GATM: variants seen among roughly 807,000 people sequenced by gnomAD.
The protein encoded by GATM is glycine amidinotransferase, also known as glycine amidinotransferase, mitochondrial.
In GATM, 23 loss-of-function variants were observed where a neutral mutation model predicts 54.2. That is an observed-to-expected ratio of 0.42 (90% CI 0.31 to 0.60). The LOEUF (loss-of-function observed/expected upper bound fraction) is 0.60, where lower values mean the gene tolerates loss of function less well. Among genes scored for constraint, GATM ranks in the 20% least tolerant of loss-of-function variants. The pLI is 0.14. For synonymous variants in GATM, 168 were observed against 183.1 expected (o/e 0.92, Z 0.67); for missense variants, 401 against 544.9 (o/e 0.74, Z 2.63).
intron 3 of GATM, among the ~76,000 whole-genome samples, chr15:45,387,586 T>C (rs1451489799): frequency 6.6e-6 from 1 of 152,242 alleles, no homozygotes; most frequent in Admixed American, 6.5e-5. Context: ...TACATATCTC[T>C]TTCGCCAGAC....
intron 4 of GATM, among the ~76,000 whole-genome samples, chr15:45,367,779 G>A (rs1889472961): frequency 6.6e-6 from 1 of 152,144 alleles, no homozygotes; most frequent in Non-Finnish European, 1.5e-5. Flanking sequence ...TGATACTACA[G>A]TATGATTAGG....
chr15:45,366,176 C>T lies in GATM; in HGVS notation c.848G>A (p.Arg283Lys), dbSNP rs1268066601. 1.2e-6 allele frequency: 2 copies of T among 1,614,044 alleles called. No individual in the cohort carries two copies. The highest frequency in any genetic ancestry group is 1.1e-5 in the South Asian group (1 of 91,086). ...CACTCTGTAGTCTGGAGCAAGATGC[C>T]TACGCATCCATTCAATGCCTAGGTA... is the stretch of plus-strand genomic sequence containing the variant. The part of the protein sequence containing the change: ...TNYLGIEWMR[R>K]HLAPDYRVHI... Residue 283 changes from arginine (R) to lysine (K), a missense_variant, in exon 6 of 9, where the codon AGG (arginine) becomes AAG (lysine). By Grantham distance (26) the Arg-to-Lys change is conservative. Coordinates refer to ENST00000396659, the MANE Select transcript of GATM (RefSeq NM_001482.3).
chr15:45,383,197 A>T (rs1335315081), upstream of GATM, among the ~76,000 whole-genome samples: 1 of 152,228 alleles, frequency 6.6e-6, no homozygotes. Flanking sequence ...ATTTCAAATG[A>T]GTTACAAAAT....
intron 2 of GATM, 84 bp from the exon 3 acceptor site, chr15:45,369,605 G>A: frequency 1.6e-6 from 2 of 1,212,202 alleles, no homozygotes; most frequent in Non-Finnish European, 2.4e-6. Flanking sequence ...ACAGCTCTTT[G>A]TATAAGGTAT....
intron 7 of GATM, 34 bp from the exon 8 acceptor site, chr15:45,364,050 C>T: frequency 8.0e-7 from 1 of 1,254,614 alleles, no homozygotes; most frequent in Non-Finnish European, 1.2e-6. Context: ...ACCATGTCCG[C>T]TATCATTTTT....
At chr15:45,365,621 G>C (rs1889435603) in intron 6 of GATM, among the ~76,000 whole-genome samples, 1 of 152,212 alleles carries the variant, frequency 6.6e-6, no homozygotes, top group Non-Finnish European at 1.5e-5. Flanking sequence ...TCCCTACAGA[G>C]CAGGGTTGGC....
chr15:45,370,375 C>CAAA (rs1293081776), intron 2 of GATM, among the ~76,000 whole-genome samples: 1 of 77,894 alleles, frequency 1.3e-5, no homozygotes, highest in African/African-American at 5.0e-5. Flanking sequence ...GACTCTGTCT[C>CAAA]AAAAAAAAAA....
chr15:45,369,815 T>C (rs1387684395), intron 2 of GATM: 1 of 395,848 alleles, frequency 2.5e-6, no homozygotes, highest in African/African-American at 2.0e-5. Flanking sequence ...CTTGGAATCC[T>C]CTTGGCCAGT....
chr15:45,401,469 A>G (rs1686513115), intron 1 of GATM, among the ~76,000 whole-genome samples: 1 of 152,188 alleles, frequency 6.6e-6, no homozygotes, highest in African/African-American at 2.4e-5. Context: ...GTCTTTGAGT[A>G]TCTGTAGTTC....
chr15:45,375,227 C>A (rs568564837), intron 2 of GATM, among the ~76,000 whole-genome samples: 2 of 152,080 alleles, frequency 1.3e-5, no homozygotes, highest in East Asian at 1.9e-4. Flanking sequence ...CCCGCCACCA[C>A]GCCTGGCTAA....
chr15:45,389,602 C>T (rs1889844939), intron 3 of GATM, among the ~76,000 whole-genome samples: 1 of 152,114 alleles, frequency 6.6e-6, no homozygotes, highest in African/African-American at 2.4e-5. Context: ...TGCCACCATG[C>T]CCAGGTAATT....
rs577418469 is a variant in GATM at position 45,391,251 on chromosome 15, A to AG, written c.-319+5670_-319+5671insC. Among the ~76,000 whole-genome samples, 5 of 49,592 alleles carry AG rather than the reference A, an allele frequency of 1.0e-4. No homozygotes were observed. In the Admixed American group the frequency reaches 1.4e-3, roughly 14 times the overall value. 32.5% of individuals were successfully genotyped at this position (49,592 alleles called of 152,430 possible). A position where few individuals can be genotyped will look rare whatever the true frequency, so the allele number is the denominator to read the frequency against. On this transcript the variant is annotated intron_variant, in intron 3 of 4. Coordinates refer to the GATM transcript ENST00000561148. ...GAAACCCCATCTCTACTAAAAATAC[A>AG]AAAAAAAAAAAAAAGCTGGGCATGG...
intron 1 of GATM, chr15:45,378,141 C>A (rs1373841720): frequency 4.6e-5 from 21 of 455,600 alleles, no homozygotes; most frequent in Non-Finnish European, 7.8e-5. Flanking sequence ...GCAAGTGGAC[C>A]CCAAGGGCTG....
intron 2 of GATM, 108 bp from the exon 3 acceptor site, chr15:45,369,629 C>A: frequency 1.1e-6 from 1 of 914,916 alleles, no homozygotes; most frequent in Non-Finnish European, 1.7e-6. Context: ...AATTGAGACT[C>A]CAACCACTCC....
Position 45,391,853 on chromosome 15 carries a change from A to C in GATM, c.-319+5069T>G, listed in dbSNP as rs191887750. ...CAAGTTCTTCTGCTAAAGAAAAAAA[A>C]ACACAAAAAATAAAAGGATACAAAA... On this transcript the variant is annotated intron_variant, in intron 3 of 4. Transcript: ENST00000561148. 7.7e-4 allele frequency among the ~76,000 whole-genome samples: 117 copies of C among 152,358 alleles called. No individual in the cohort carries two copies. The Middle Eastern group carries it at 0.01, about 13-fold the overall frequency.
intron 2 of GATM, among the ~76,000 whole-genome samples, chr15:45,371,463 T>A (rs1889543118): frequency 1.3e-5 from 2 of 152,208 alleles, no homozygotes; most frequent in Admixed American, 1.3e-4. Context: ...ATAAATCAGA[T>A]AATTTCAGAT....
chr15:45,369,998 A>C (rs535070903), intron 2 of GATM, among the ~76,000 whole-genome samples: 1 of 152,172 alleles, frequency 6.6e-6, no homozygotes, highest in Admixed American at 6.5e-5. Context: ...ATAGCACCTC[A>C]AGATATTTTG....
upstream of GATM, chr15:45,378,596 G>GC (rs928938115): frequency 1.8e-5 from 10 of 552,400 alleles, no homozygotes; most frequent in Admixed American, 4.2e-5. Flanking sequence ...CGCCCCGGCC[G>GC]CCCCCCGCGG....
intron 1 of GATM, 44 bp downstream of exon 1, chr15:45,378,341 G>T: frequency 2.1e-6 from 3 of 1,452,956 alleles, no homozygotes; most frequent in South Asian, 2.5e-5. Flanking sequence ...CCGCAGGATC[G>T]AGTGAGTCAC....
Sources: allele counts gnomAD v4.1 joint callset (sites outside exome capture counted in the v4.1 genomes callset), GRCh38; gene constraint gnomAD v4.1.1; transcripts MANE v1.5; gene names NCBI Gene and HGNC (gene_info 2026-07-23, HGNC 2026-07-21).